The following TTN variants were observed in gnomAD, a reference collection of about 807,000 sequenced individuals.
TTN encodes titin.
Under a neutral mutation model 3,223.0 loss-of-function variants are expected in TTN, and 1,525 were observed. The observed-to-expected ratio is 0.47, with a 90% confidence interval of 0.45 to 0.49. The LOEUF is 0.49. TTN is among the 20% of genes least tolerant of loss of function. The pLI, the probability that TTN is intolerant of heterozygous loss-of-function variation, is 0.00. For missense variants in TTN, 40,786 were observed against 43,424.0 expected (o/e 0.94, Z 5.40); for synonymous variants, 14,094 against 15,161.0 (o/e 0.93, Z 5.17).
chr2:178,745,024 A>G (rs2083213173), intron 47 of TTN: 3 of 986,190 alleles, frequency 3.0e-6, no homozygotes, highest in South Asian at 9.4e-5. Flanking sequence ...TGAAATGTCA[A>G]ACAGATTATA....
At chr2:178,622,542 A>G (rs1194834561) in intron 243 of TTN, 128 bp downstream of exon 243, 10 of 685,822 alleles carry the variant, frequency 1.5e-5, no homozygotes, top group Non-Finnish European at 2.5e-5. Flanking sequence ...TTTATACTAC[A>G]ATTATCTTTA....
At position 178,704,297 on chromosome 2, in the gene TTN, C is replaced by T; in HGVS notation, c.30073G>A (p.Gly10025Ser). The T allele has an allele frequency of 1.2e-6, 2 of 1,614,010 alleles. No homozygotes were observed. Among genetic ancestry groups the T allele is most frequent in the Non-Finnish European group, 1.7e-6 (2 of 1,179,882 alleles). Residue 10025 changes from glycine (G) to serine (S), a missense_variant, in exon 106 of 363, where the codon GGC becomes AGC. By Grantham distance (56) the Gly-to-Ser change is moderately conservative (BLOSUM62 0). Coordinates refer to ENST00000589042, the MANE Select transcript of TTN (RefSeq NM_001267550.2). ...PNVKSEWFRNGRILKPQGRHK... is the reference protein window; with the variant it reads ...PNVKSEWFRNSRILKPQGRHK... ...CTACCTTGGGGTTTAAGGATTCTGC[C>T]ATTTCTGAACCATTCAGATTTTACA...
At chr2:178,750,502 A>G in intron 47 of TTN, 1 of 1,612,884 alleles carries the variant, frequency 6.2e-7, no homozygotes, top group South Asian at 1.1e-5. Flanking sequence ...ATCCTTGAAA[A>G]TGACACACAA....
Position 178,566,028 on chromosome 2 carries a change from G to C in TTN, c.80104C>G (p.Leu26702Val), listed in dbSNP as rs746800300. Residue 26702 changes from leucine (L) to valine (V), a missense_variant, in exon 326 of 363, where the codon CTG becomes GTG. By Grantham distance (32) the Leu-to-Val change is conservative. Coordinates refer to ENST00000589042, the MANE Select transcript of TTN (RefSeq NM_001267550.2). Reference protein sequence around the residue: ...VKEVRKDSAFLVWEPPIIDGG... With the variant: ...VKEVRKDSAFVVWEPPIIDGG... ...TCAATGATGGGTGGCTCCCATACCA[G>C]GAAGGCAGAATCTTTTCTCACTTCT... 1.2e-6 allele frequency: 2 copies of C among 1,613,504 alleles called. No individual in the cohort carries two copies. The highest frequency in any genetic ancestry group is 1.7e-6 in the Non-Finnish European group (2 of 1,179,604).
intron 135 of TTN, among the ~76,000 whole-genome samples, chr2:178,682,082 A>G (rs545438713): frequency 6.6e-6 from 1 of 152,148 alleles, no homozygotes; most frequent in South Asian, 2.1e-4. Flanking sequence ...AGACTGAATA[A>G]GTGAAATAAG....
In TTN at chr2:178,734,626, T is replaced by G. The variant is rs1274004973; in HGVS notation, c.15218-20A>C. The G allele has an allele frequency of 6.4e-7, 1 of 1,559,968 alleles. No individual in the cohort carries two copies. The highest frequency in any genetic ancestry group is 1.2e-5 in the South Asian group (1 of 80,312). On this transcript the variant is annotated intron_variant, in intron 51 of 362. Coordinates refer to ENST00000589042, the MANE Select transcript of TTN (RefSeq NM_001267550.2). ...GAGGTTCTACAAAAGCATGAAAGCA[T>G]TGTGTAAGTAATGGGTAATAAGTAA...
chr2:178,537,640 G>A lies in TTN; in HGVS notation c.99567C>T (p.Leu33189=), dbSNP rs745708104. The change falls in exon 355 of 363, where the codon CTC becomes CTT. Residue 33189 remains leucine (L), a synonymous_variant. Transcript: ENST00000589042. ...VGEVETSSKL[L]LQATPQFHPG... ...GATGGAACTGCGGTGTTGCTTGCAG[G>A]AGAAGCTTACTACTGGTTTCTACTT... 40 of 1,613,632 alleles carry A rather than the reference G, an allele frequency of 2.5e-5. No homozygotes were observed. In the Admixed American group the frequency reaches 5.8e-4, roughly 24 times the overall value.
chr2:178,611,348 C>G, intron 269 of TTN, 24 bp downstream of exon 269: 3 of 1,611,390 alleles, frequency 1.9e-6, no homozygotes, highest in Non-Finnish European at 1.7e-6. Flanking sequence ...ATTTTATTAA[C>G]TATAAAAGAC....
At position 178,704,912 on chromosome 2, in the gene TTN, C is replaced by A. The variant is rs771368394; in HGVS notation, c.29659G>T (p.Val9887Leu). The change falls in exon 104 of 363, where the codon GTA becomes TTA. Residue 9887 changes from valine (V) to leucine (L), a missense_variant. Coordinates refer to ENST00000589042, the MANE Select transcript of TTN (RefSeq NM_001267550.2). ...GACAGTCTTTGCTGAATAAATGATA[C>A]AAGTTCCTCAAATTCCTTTTCGTCC... is the stretch of plus-strand genomic sequence containing the variant. ...ERDEKEFEEL[V>L]SFIQQRLSQT... 1 of 1,613,408 alleles carries A rather than the reference C, an allele frequency of 6.2e-7. No individual in the cohort carries two copies.
In TTN at chr2:178,718,371, T is replaced by C; in HGVS notation, c.24735A>G (p.Ile8245Met). The C allele has an allele frequency of 6.2e-7, 1 of 1,613,798 alleles. No homozygotes were observed. Among genetic ancestry groups the C allele is most frequent in the East Asian group, 2.2e-5 (1 of 44,864 alleles). ...IEDYAQYSCL[I>M]ENEAGQDICE... Reference sequence around the variant, plus strand: ...AGATATCTTGACCAGCCTCATTTTCTATCAGGCAGCTGTACTGTGCATAAT... The same window carrying C: ...AGATATCTTGACCAGCCTCATTTTCCATCAGGCAGCTGTACTGTGCATAAT... The change falls in exon 85 of 363, where the codon ATA becomes ATG. Residue 8245 changes from isoleucine to methionine, a missense_variant. Coordinates refer to ENST00000589042, the MANE Select transcript of TTN (RefSeq NM_001267550.2).
At chr2:178,529,272 TTTACTC>T in intron 359 of TTN, 53 bp from the exon 360 acceptor site, 1 of 1,294,188 alleles carries the variant, frequency 7.7e-7, no homozygotes, top group Non-Finnish European at 1.0e-6. Context: ...ACCCCCACCT[TTTACTC>T]TTCTAGATTC....
rs72677217 is a variant in TTN at position 178,629,082 on chromosome 2, A to G, written c.44424+219T>C. Among the ~76,000 whole-genome samples, 755 of 152,210 alleles carry G rather than the reference A, an allele frequency of 5.0e-3. 3 individuals carry two copies. Among genetic ancestry groups the G allele is most frequent in the Non-Finnish European group, 8.2e-3 (558 of 67,994 alleles). Reference sequence around the variant, plus strand: ...AAACTAAAACATGATCATACTTTAAATTTATTTCAATTTCAATAAAAAAAT... The same window carrying G: ...AAACTAAAACATGATCATACTTTAAGTTTATTTCAATTTCAATAAAAAAAT... On this transcript the variant is annotated intron_variant, in intron 240 of 362. Coordinates refer to ENST00000589042, the MANE Select transcript of TTN (RefSeq NM_001267550.2).
At chr2:178,637,127 C>T (rs1269499074) in intron 224 of TTN, among the ~76,000 whole-genome samples, 2 of 111,846 alleles carry the variant, frequency 1.8e-5, no homozygotes, top group Non-Finnish European at 3.6e-5. Context: ...ATGGGATTCA[C>T]TATGCTAAAA....
rs914311729 is a variant in TTN at position 178,706,976 on chromosome 2, T to C, written c.29042-22A>G. The C allele has an allele frequency of 4.4e-6, 7 of 1,580,872 alleles. No homozygotes were observed. The African/African-American group carries it at 9.4e-5, about 21-fold the overall frequency. ...TTGTCTGAAAAAACATTTACATGTT[T>C]TGTTACTACAATCACCTCAGAATTA... On this transcript the variant is annotated intron_variant, in intron 100 of 362. Coordinates refer to ENST00000589042, the MANE Select transcript of TTN (RefSeq NM_001267550.2).
Position 178,561,309 on chromosome 2 carries a change from T to G in TTN, c.84823A>C (p.Lys28275Gln). 6.2e-7 allele frequency: 1 copy of G among 1,613,846 alleles called. No individual in the cohort carries two copies. The highest frequency in any genetic ancestry group is 1.1e-5 in the South Asian group (1 of 91,080). The change falls in exon 326 of 363, where the codon AAA (lysine) becomes CAA (glutamine). Residue 28275 changes from lysine (K) to glutamine (Q), a missense_variant. By Grantham distance (53) the Lys-to-Gln change is moderately conservative. Transcript: ENST00000589042. ...TTAGCTCCACCATCATAATGTGGTT[T>G]AGACCATTTAAGTGACACTGATTTT... ...TRKSVSLKWS[K>Q]PHYDGGAKIT...
chr2:178,691,488 G>A (rs1199585657), intron 121 of TTN, among the ~76,000 whole-genome samples: 3 of 152,156 alleles, frequency 2.0e-5, no homozygotes, highest in African/African-American at 7.2e-5. Flanking sequence ...AATGGTGAAA[G>A]TAAACTTCAA....
At position 178,649,981 on chromosome 2, in the gene TTN, C is replaced by A. The variant is rs1039158963; in HGVS notation, c.39818-87G>T. On this transcript the variant is annotated intron_variant, in intron 210 of 362. Transcript: ENST00000589042. ...AATGAATTAAAAACCACACATATTTCTTGGTATATGTGGGACCAAATTCTG... is the reference window on the plus strand; with the variant it reads ...AATGAATTAAAAACCACACATATTTATTGGTATATGTGGGACCAAATTCTG... The A allele has an allele frequency of 3.6e-4, 534 of 1,484,034 alleles. 2 individuals carry two copies. The highest frequency in any genetic ancestry group is 1.5e-3 in the South Asian group (122 of 82,632). The allele number at this position is 1,484,034 out of a possible 1,614,324, so 91.9% of individuals were successfully genotyped here. A position where few individuals can be genotyped will look rare whatever the true frequency, so the allele number is the denominator to read the frequency against.
At chr2:178,787,535 G>A (rs1006671948) in intron 13 of TTN, among the ~76,000 whole-genome samples, 3 of 152,022 alleles carry the variant, frequency 2.0e-5, no homozygotes, top group Non-Finnish European at 4.4e-5. Context: ...TTTGATTGTA[G>A]TGTGATCACA....
chr2:178,577,133 C>T lies in TTN; in HGVS notation c.69202G>A (p.Gly23068Ser). The change falls in exon 324 of 363, where the codon GGC becomes AGC. Residue 23068 changes from glycine to serine, a missense_variant. Transcript: ENST00000589042. ...ATATAGGACTTAATTGGTGAGCCGCCATCTTCCAAGGGAGGTGTCCATGTA... is the reference window on the plus strand; with the variant it reads ...ATATAGGACTTAATTGGTGAGCCGCTATCTTCCAAGGGAGGTGTCCATGTA... ...TLTWTPPLED[G>S]GSPIKSYILE... is the part of the protein sequence containing the mutation. The T allele has an allele frequency of 6.2e-7, 1 of 1,613,132 alleles. No homozygotes were observed. Among genetic ancestry groups the T allele is most frequent in the African/African-American group, 1.3e-5 (1 of 74,962 alleles).
Sources: allele counts gnomAD v4.1 joint callset (sites outside exome capture counted in the v4.1 genomes callset), GRCh38; gene constraint gnomAD v4.1.1; transcripts MANE v1.5; gene names NCBI Gene and HGNC (gene_info 2026-07-23, HGNC 2026-07-21).